Variants in RAB17 observed in about 807,000 individuals in gnomAD.
RAB17 encodes ras-related protein Rab-17.
RAB17 carries 15 observed loss-of-function variants against 19.3 expected under a neutral mutation model. The observed-to-expected ratio is 0.78, with a 90% confidence interval of 0.52 to 1.20. The LOEUF is 1.20. Ranked by LOEUF, RAB17 falls within the 50% of genes most tolerant of loss-of-function variation. The pLI is 0.00. For missense variants in RAB17, 262 were observed against 269.3 expected (o/e 0.97, Z 0.19); for synonymous variants, 110 against 112.8 (o/e 0.97, Z 0.16).
In RAB17 at chr2:237,574,406, T is replaced by C. The variant is rs2081244195; in HGVS notation, c.*613A>G. 1 of 1,542,386 alleles carries C rather than the reference T, an allele frequency of 6.5e-7. No individual in the cohort carries two copies. The highest frequency in any genetic ancestry group is 8.8e-7 in the Non-Finnish European group (1 of 1,142,242). ...ATCTCAGGCGAAATGTCTCAGAATC[T>C]TCCTGCTCATTGGACAGAAACTCAG... On this transcript the variant is annotated 3_prime_UTR_variant, in exon 6 of 6. Transcript: ENST00000264601.
intron 5 of RAB17, 73 bp from the exon 6 acceptor site, chr2:237,575,201 C>A: frequency 7.8e-7 from 1 of 1,281,010 alleles, no homozygotes; most frequent in East Asian, 2.4e-5. Context: ...GCAGACCAGC[C>A]ACCCCAGGAC....
At chr2:237,577,113 G>T in intron 4 of RAB17, 144 bp downstream of exon 4, 1 of 960,520 alleles carries the variant, frequency 1.0e-6, no homozygotes, top group Non-Finnish European at 1.5e-6. Flanking sequence ...ATGCATGTGG[G>T]CGTGTAGAGG....
chr2:237,582,522 G>A (rs79200469), intron 2 of RAB17, among the ~76,000 whole-genome samples: 1,690 of 152,262 alleles, frequency 0.011, 39 homozygotes, highest in African/African-American at 0.038. Context: ...TCCCTCCCTC[G>A]GGGATCCTGC....
At chr2:237,585,350 G>C (rs1223284923) in intron 2 of RAB17, 1 of 168,812 alleles carries the variant, frequency 5.9e-6, no homozygotes, top group Non-Finnish European at 1.5e-5. Flanking sequence ...GTGAAAACTG[G>C]GTTTCACTGC....
chr2:237,575,350 A>G, intron 5 of RAB17, 37 bp downstream of exon 5: 1 of 1,525,334 alleles, frequency 6.6e-7, no homozygotes, highest in Non-Finnish European at 9.0e-7. Flanking sequence ...AGGGACAAGC[A>G]CCTCCCCCTT....
At position 237,574,789 on chromosome 2, in the gene RAB17, G is replaced by A. The variant is rs760867796; in HGVS notation, c.*230C>T. The stretch of plus-strand genomic sequence containing the variant: ...AGGCACAGGCATCGGGGAATCAGAT[G>A]GTATCAGTGGGGATAGGGCACAGCA... On this transcript the variant is annotated 3_prime_UTR_variant, in exon 6 of 6. Transcript: ENST00000264601. 7.3e-5 allele frequency: 74 copies of A among 1,014,126 alleles called. No homozygotes were observed. The highest frequency in any genetic ancestry group is 2.8e-4 in the Admixed American group (9 of 31,772). The allele number at this position is 1,014,126 out of a possible 1,614,324, so 62.8% of individuals were successfully genotyped here.
In RAB17 at chr2:237,584,191, C is replaced by G. The variant is rs6721200; in HGVS notation, c.157+1807G>C. The stretch of plus-strand genomic sequence containing the variant: ...TCACAGACCCCACACATCACCCCCC[C>G]ACCCCCACCCAAGAAAGGTGGGTGC... On this transcript the variant is annotated intron_variant, in intron 2 of 5. Coordinates refer to ENST00000264601, the MANE Select transcript of RAB17 (RefSeq NM_022449.4). Among the ~76,000 whole-genome samples, 17 of 151,954 alleles carry G rather than the reference C, an allele frequency of 1.1e-4. No homozygotes were observed. The South Asian group carries it at 1.5e-3, about 13-fold the overall frequency.
intron 2 of RAB17, among the ~76,000 whole-genome samples, chr2:237,583,957 T>C (rs114800388): frequency 0.017 from 2,202 of 132,902 alleles, 67 homozygotes; most frequent in African/African-American, 0.06. Flanking sequence ...GGCCTAGGAC[T>C]CCCCAGCAAG....
At chr2:237,576,503 G>T in intron 4 of RAB17, 1 of 454,716 alleles carries the variant, frequency 2.2e-6, no homozygotes, top group Non-Finnish European at 4.6e-6. Context: ...TCTCCCCCGA[G>T]ATTCTCCAAA....
Position 237,575,021 on chromosome 2 carries a change from A to G in RAB17, c.637T>C (p.Ter213GlnextTer36). ...PARQAKCCAH[*>Q] ...ACAGCCCCCAGGAGTGGCTGCACCT[A>G]GTGGGCGCAGCATTTGGCCTGCCTC... The change falls in exon 6 of 6, where the codon TAG becomes CAG. Residue 213 changes from the stop codon to glutamine (Q), a stop_lost. Transcript: ENST00000264601. 1.2e-6 allele frequency: 2 copies of G among 1,608,198 alleles called. No homozygotes were observed. The highest frequency in any genetic ancestry group is 1.7e-6 in the Non-Finnish European group (2 of 1,176,784).
At chr2:237,578,404 C>G (rs2149183265) in intron 2 of RAB17, 1 of 413,610 alleles carries the variant, frequency 2.4e-6, no homozygotes, top group South Asian at 5.2e-5. Flanking sequence ...GAAGATAAAT[C>G]TCTCCAGGAC....
rs572975986 is a variant in RAB17 at position 237,579,328 on chromosome 2, C to T, written c.158-1173G>A. The stretch of plus-strand genomic sequence containing the variant: ...GCTGCCAAAACAAAGTCCCATGAGC[C>T]GAGTGGCTCAAATTAGCAAATTTCT... On this transcript the variant is annotated intron_variant, in intron 2 of 5. Transcript: ENST00000264601. The T allele has an allele frequency of 3.9e-5, 6 of 152,370 alleles. No individual in the cohort carries two copies. The East Asian group carries it at 9.6e-4, about 24-fold the overall frequency. The allele number at this position is 152,370 out of a possible 1,614,324, so 9.4% of individuals were successfully genotyped here.
chr2:237,581,488 C>T (rs1003273997), intron 2 of RAB17, among the ~76,000 whole-genome samples: 3 of 152,028 alleles, frequency 2.0e-5, no homozygotes, highest in East Asian at 3.9e-4. Flanking sequence ...CTCCTGAGCT[C>T]GGGCAATCTG....
intron 2 of RAB17, among the ~76,000 whole-genome samples, chr2:237,580,673 A>C (rs2081301274): frequency 6.7e-6 from 1 of 150,024 alleles, no homozygotes; most frequent in South Asian, 2.2e-4. Flanking sequence ...CAGGAGGTGG[A>C]GGTTGCAGCG....
At chr2:237,576,019 G>C (rs59848818) in intron 4 of RAB17, 61,729 of 158,860 alleles carry the variant, frequency 0.39, 15,066 homozygotes, top group African/African-American at 0.7. Context: ...CCCAGGAGTC[G>C]AGGGTGGCCG....
chr2:237,589,184 C>T (rs2081373133), intron 1 of RAB17, among the ~76,000 whole-genome samples: 1 of 147,356 alleles, frequency 6.8e-6, no homozygotes, highest in African/African-American at 2.7e-5. Flanking sequence ...CCCACCATTG[C>T]ACTCCAGCCT....
chr2:237,583,241 G>T (rs2081321759), intron 2 of RAB17, among the ~76,000 whole-genome samples: 1 of 152,230 alleles, frequency 6.6e-6, no homozygotes, highest in African/African-American at 2.4e-5. Flanking sequence ...TGGAGGCTAA[G>T]GTGGGAGGAT....
intron 1 of RAB17, among the ~76,000 whole-genome samples, chr2:237,590,071 C>T (rs1397235583): frequency 6.6e-6 from 1 of 152,066 alleles, no homozygotes; most frequent in East Asian, 1.9e-4. Context: ...ACCTGACAAG[C>T]TTCCTAGATA....
chr2:237,575,083 C>G lies in RAB17; in HGVS notation c.575G>C (p.Arg192Pro), dbSNP rs182147656. 3 of 1,613,788 alleles carry G rather than the reference C, an allele frequency of 1.9e-6. No homozygotes were observed. The highest frequency in any genetic ancestry group is 3.3e-4 in the Middle Eastern group (2 of 6,010). ...QRSDEEGQAL[R>P]GDAAVALNKG... ...GTTCAGAGCCACAGCTGCATCCCCC[C>G]GTAGAGCCTGGCCCTCCTCGTCGCT... Residue 192 changes from arginine (R) to proline (P), a missense_variant, in exon 6 of 6, where the codon CGG becomes CCG. Arg to Pro is a moderately radical substitution (Grantham distance 103, BLOSUM62 -2). Coordinates refer to ENST00000264601, the MANE Select transcript of RAB17 (RefSeq NM_022449.4).
Sources: gnomAD v4.1 joint callset for allele counts (sites outside exome capture counted in the v4.1 genomes callset) on GRCh38, gnomAD v4.1.1 for gene constraint, MANE v1.5 for transcripts, NCBI Gene and HGNC (gene_info 2026-07-23, HGNC 2026-07-21) for gene names.